The following EDAR variants were observed in gnomAD, a reference collection of about 807,000 sequenced individuals.
EDAR encodes the protein tumor necrosis factor receptor superfamily member EDAR.
In EDAR, 38 loss-of-function variants were observed where a neutral mutation model predicts 51.3. That is an observed-to-expected ratio of 0.74 (90% CI 0.57 to 0.97). The LOEUF (loss-of-function observed/expected upper bound fraction) is 0.97, where lower values mean the gene tolerates loss of function less well. Ranked by LOEUF, EDAR falls within the 50% of genes least tolerant of loss-of-function variation. The pLI is 0.00. For synonymous variants in EDAR, 227 were observed against 242.1 expected, an observed-to-expected ratio of 0.94 and a Z score of 0.58; for missense variants, 528 against 595.0, an observed-to-expected ratio of 0.89 and a Z score of 1.17.
chr2:108,921,489 G>A (rs546001547), intron 5 of EDAR, among the ~76,000 whole-genome samples: 2 of 152,336 alleles, frequency 1.3e-5, no homozygotes, highest in African/African-American at 4.8e-5. Context: ...GACCACAACT[G>A]TGGGTTTGAC....
intron 1 of EDAR, among the ~76,000 whole-genome samples, chr2:108,978,553 G>A (rs1698370033): frequency 1.3e-5 from 2 of 152,178 alleles, no homozygotes; most frequent in Admixed American, 6.5e-5. Context: ...GGAGGCTGAG[G>A]TTCAGAGCAC....
chr2:108,977,291 T>C (rs557858689), intron 1 of EDAR, among the ~76,000 whole-genome samples: 2 of 152,162 alleles, frequency 1.3e-5, no homozygotes, highest in East Asian at 3.9e-4. Flanking sequence ...TTTTTTGAGA[T>C]GGAGTCTCGC....
chr2:108,937,888 G>T (rs981545103), intron 1 of EDAR, among the ~76,000 whole-genome samples: 1 of 152,238 alleles, frequency 6.6e-6, no homozygotes, highest in African/African-American at 2.4e-5. Context: ...CTTCCCAAAA[G>T]ACGTGGACAG....
In EDAR at chr2:108,966,477, C is replaced by T. The variant is rs571453222; in HGVS notation, c.-19+22483G>A. Among the ~76,000 whole-genome samples the T allele has an allele frequency of 2.6e-4, 39 of 152,322 alleles. 1 individual carries two copies. The Middle Eastern group carries it at 0.01, about 40-fold the overall frequency. Reference sequence around the variant, plus strand: ...GGCCTATGCCTCATCTCGCGGGCCCCGGTGCAGTTATGTGGGGTCAGAGCC... The same window carrying T: ...GGCCTATGCCTCATCTCGCGGGCCCTGGTGCAGTTATGTGGGGTCAGAGCC... On this transcript the variant is annotated intron_variant, in intron 1 of 11. Transcript: ENST00000258443.
chr2:108,967,350 A>G (rs896555767), intron 1 of EDAR, among the ~76,000 whole-genome samples: 2 of 152,174 alleles, frequency 1.3e-5, no homozygotes, highest in South Asian at 2.1e-4. Context: ...TTTTACTTCA[A>G]TAGTTCATGT....
At chr2:108,913,732 C>T (rs527620014) in intron 5 of EDAR, among the ~76,000 whole-genome samples, 72 of 152,162 alleles carry the variant, frequency 4.7e-4, no homozygotes, top group Admixed American at 7.9e-4. Flanking sequence ...TGGCGGATCA[C>T]GAGGTCAGGA....
At chr2:108,966,222 G>A (rs13427084) in intron 1 of EDAR, among the ~76,000 whole-genome samples, 14,239 of 152,208 alleles carry the variant, frequency 0.094, 920 homozygotes, top group African/African-American at 0.19. Context: ...GCAAAGACCT[G>A]TCTGCCTTGC....
intron 1 of EDAR, among the ~76,000 whole-genome samples, chr2:108,953,834 A>G (rs1697869865): frequency 6.6e-6 from 1 of 152,224 alleles, no homozygotes; most frequent in South Asian, 2.1e-4. Context: ...TCTGCTCTTT[A>G]ACACCATTTG....
intron 1 of EDAR, among the ~76,000 whole-genome samples, chr2:108,964,487 T>C (rs1329272551): frequency 6.6e-6 from 1 of 152,064 alleles, no homozygotes; most frequent in Non-Finnish European, 1.5e-5. Context: ...GTCCCTACTC[T>C]AAGAGGAAAT....
At chr2:108,930,800 A>G (rs1423808885) in intron 2 of EDAR, among the ~76,000 whole-genome samples, 164 bp downstream of exon 2, 1 of 152,232 alleles carries the variant, frequency 6.6e-6, no homozygotes, top group Non-Finnish European at 1.5e-5. Flanking sequence ...AGCCTGGGGC[A>G]GAGTTCTGTG....
At chr2:108,982,945 ATC>A (rs967986217) in intron 1 of EDAR, among the ~76,000 whole-genome samples, 5 of 152,304 alleles carry the variant, frequency 3.3e-5, no homozygotes, top group South Asian at 2.1e-4. Context: ...CTCTCTCCAA[ATC>A]TCTCTAAGAA....
rs192810224 is a variant in EDAR at position 108,955,218 on chromosome 2, T to C, written c.-18-24186A>G. Among the ~76,000 whole-genome samples the C allele has an allele frequency of 1.6e-4, 24 of 152,286 alleles. No individual in the cohort carries two copies. The East Asian group carries it at 4.0e-3, about 26-fold the overall frequency. On this transcript the variant is annotated intron_variant, in intron 1 of 11. Transcript: ENST00000258443. ...GGTTGTCTCATCAGTAAAATTATGA[T>C]ATTAATAGAACCTAGGTCAGAATGT...
chr2:108,951,088 C>T (rs1281921569), intron 1 of EDAR, among the ~76,000 whole-genome samples: 1 of 152,230 alleles, frequency 6.6e-6, no homozygotes, highest in East Asian at 1.9e-4. Flanking sequence ...CACTTGCTCA[C>T]CAGGCTGATA....
intron 4 of EDAR, among the ~76,000 whole-genome samples, chr2:108,926,482 C>T (rs1697257508): frequency 6.6e-6 from 1 of 152,218 alleles, no homozygotes; most frequent in Non-Finnish European, 1.5e-5. Flanking sequence ...GCCGCAGATT[C>T]CCAGATGTTC....
chr2:108,943,229 G>A (rs1412688353), intron 1 of EDAR, among the ~76,000 whole-genome samples: 1 of 152,166 alleles, frequency 6.6e-6, no homozygotes, highest in Non-Finnish European at 1.5e-5. Context: ...CTTGAGAAGG[G>A]CAAGCTCAGC....
At chr2:108,971,081 C>T (rs992227048) in intron 1 of EDAR, among the ~76,000 whole-genome samples, 1 of 152,080 alleles carries the variant, frequency 6.6e-6, no homozygotes, top group African/African-American at 2.4e-5. Context: ...ACCGTGCTCA[C>T]TGGGGGATTC....
intron 2 of EDAR, 48 bp downstream of exon 2, chr2:108,930,916 A>G: frequency 6.3e-7 from 1 of 1,590,786 alleles, no homozygotes. Flanking sequence ...CAGTCCAACC[A>G]TCATGAGGAT....
chr2:108,957,459 A>G (rs1315310132), intron 1 of EDAR, among the ~76,000 whole-genome samples: 3 of 152,228 alleles, frequency 2.0e-5, no homozygotes, highest in Admixed American at 1.3e-4. Flanking sequence ...AGAGGGCTAT[A>G]AATCAAGTGG....
chr2:108,934,645 T>A (rs1473240133), intron 1 of EDAR, among the ~76,000 whole-genome samples: 1 of 152,144 alleles, frequency 6.6e-6, no homozygotes, highest in Non-Finnish European at 1.5e-5. Context: ...CATGTCATAA[T>A]ATGGCAGAGG....
Sources: allele counts gnomAD v4.1 joint callset (sites outside exome capture counted in the v4.1 genomes callset), GRCh38; gene constraint gnomAD v4.1.1; transcripts MANE v1.5; gene names NCBI Gene and HGNC (gene_info 2026-07-23, HGNC 2026-07-21).